Variants in ZDHHC14 observed in about 807,000 individuals in gnomAD.
ZDHHC14 encodes zDHHC palmitoyltransferase 14.
Under a neutral mutation model 47.7 loss-of-function variants are expected in ZDHHC14, and 16 were observed. The observed-to-expected ratio is 0.34, with a 90% CI of 0.23 to 0.51. The LOEUF (loss-of-function observed/expected upper bound fraction) is 0.51, where lower values mean the gene tolerates loss of function less well. ZDHHC14 is among the 20% of genes least tolerant of loss of function. ZDHHC14 has a pLI of 0.97. For synonymous variants in ZDHHC14, 293 were observed against 278.9 expected (o/e 1.05, Z -0.50); for missense variants, 515 against 662.5 (o/e 0.78, Z 2.44).
intron 1 of ZDHHC14, among the ~76,000 whole-genome samples, chr6:157,482,543 C>G (rs1202049667): frequency 1.3e-5 from 2 of 151,940 alleles, no homozygotes; most frequent in Non-Finnish European, 2.9e-5. Flanking sequence ...CATGAGCCAC[C>G]ACGCCTGGCT....
At chr6:157,624,275 G>A (rs1455989728) in intron 3 of ZDHHC14, among the ~76,000 whole-genome samples, 1 of 152,230 alleles carries the variant, frequency 6.6e-6, no homozygotes, top group African/African-American at 2.4e-5. Context: ...CGCATTCAGA[G>A]CTGGAGGCAG....
chr6:157,543,394 G>A (rs1390812873), intron 2 of ZDHHC14, among the ~76,000 whole-genome samples: 2 of 151,552 alleles, frequency 1.3e-5, no homozygotes, highest in Non-Finnish European at 2.9e-5. Flanking sequence ...GCTCTTAAAA[G>A]TTTGTGATTG....
chr6:157,622,829 G>A (rs534619637), intron 3 of ZDHHC14, among the ~76,000 whole-genome samples: 4 of 151,992 alleles, frequency 2.6e-5, no homozygotes, highest in Admixed American at 6.6e-5. Flanking sequence ...AGTAGTGATC[G>A]CTCATAAACC....
intron 2 of ZDHHC14, among the ~76,000 whole-genome samples, chr6:157,567,446 T>C (rs938607141): frequency 6.6e-6 from 1 of 152,182 alleles, no homozygotes; most frequent in Non-Finnish European, 1.5e-5. Flanking sequence ...TTGGTTCATC[T>C]GGGCATGCTC....
chr6:157,614,773 T>A (rs1464440139), intron 3 of ZDHHC14, among the ~76,000 whole-genome samples: 1 of 142,382 alleles, frequency 7.0e-6, no homozygotes, highest in East Asian at 1.9e-4. Flanking sequence ...TCATGTTTTT[T>A]TTTTGTTTTT....
chr6:157,391,851 C>T (rs776275948), intron 1 of ZDHHC14, among the ~76,000 whole-genome samples: 39 of 152,130 alleles, frequency 2.6e-4, no homozygotes, highest in Non-Finnish European at 4.4e-4. Flanking sequence ...CAACTTTCAA[C>T]TTGTGATTGT....
At chr6:157,540,686 G>C (rs150248905) in intron 1 of ZDHHC14, among the ~76,000 whole-genome samples, 5 of 152,024 alleles carry the variant, frequency 3.3e-5, no homozygotes, top group Non-Finnish European at 7.3e-5. Flanking sequence ...GGGGAAAAAC[G>C]TGGGCTTGTT....
chr6:157,644,999 C>G (rs1358344218), intron 5 of ZDHHC14, among the ~76,000 whole-genome samples: 1 of 152,312 alleles, frequency 6.6e-6, no homozygotes, highest in East Asian at 1.9e-4. Flanking sequence ...GACTTCCTCT[C>G]TCTCTATGTC....
At chr6:157,558,832 A>T (rs755639303) in intron 2 of ZDHHC14, among the ~76,000 whole-genome samples, 5 of 152,102 alleles carry the variant, frequency 3.3e-5, no homozygotes, top group East Asian at 1.9e-4. Flanking sequence ...AGTAATGTAG[A>T]TCAGAGATTC....
At chr6:157,395,171 A>ATT (rs1016063345) in intron 1 of ZDHHC14, among the ~76,000 whole-genome samples, 2 of 150,108 alleles carry the variant, frequency 1.3e-5, no homozygotes, top group African/African-American at 4.9e-5. Context: ...ATTTTTATTT[A>ATT]TTTTTTTAAG....
At chr6:157,585,156 G>A (rs1051080940) in intron 2 of ZDHHC14, among the ~76,000 whole-genome samples, 8 of 151,994 alleles carry the variant, frequency 5.3e-5, no homozygotes, top group African/African-American at 1.5e-4. Context: ...GCAGTGAGCC[G>A]AGATCGCGCC....
intron 1 of ZDHHC14, among the ~76,000 whole-genome samples, chr6:157,500,705 G>A (rs1780173889): frequency 6.6e-6 from 1 of 152,216 alleles, no homozygotes; most frequent in Admixed American, 6.5e-5. Context: ...CACTGCCCAA[G>A]AACAGACATG....
chr6:157,484,303 A>G (rs1181489797), intron 1 of ZDHHC14, among the ~76,000 whole-genome samples: 16 of 117,962 alleles, frequency 1.4e-4, no homozygotes, highest in Middle Eastern at 4.5e-3. Flanking sequence ...GTATATATAT[A>G]TACATATATA....
intron 2 of ZDHHC14, among the ~76,000 whole-genome samples, chr6:157,571,068 T>C (rs1023935463): frequency 1.3e-4 from 20 of 152,238 alleles, no homozygotes; most frequent in African/African-American, 4.6e-4. Flanking sequence ...GTTTCCATTT[T>C]CTGGAACTTA....
chr6:157,615,206 G>GCTTACTTA, intron 3 of ZDHHC14, among the ~76,000 whole-genome samples: 1 of 152,352 alleles, frequency 6.6e-6, no homozygotes, highest in African/African-American at 2.4e-5. Context: ...TTAAGGACCT[G>GCTTACTTA]CTGACTGGAC....
chr6:157,668,260 A>G (rs1424978555), intron 8 of ZDHHC14, among the ~76,000 whole-genome samples: 1 of 152,254 alleles, frequency 6.6e-6, no homozygotes, highest in Non-Finnish European at 1.5e-5. Flanking sequence ...CTAGACTTAG[A>G]TAGACAGTCA....
intron 1 of ZDHHC14, among the ~76,000 whole-genome samples, chr6:157,473,533 C>T (rs959078098): frequency 1.3e-5 from 2 of 152,118 alleles, no homozygotes; most frequent in African/African-American, 4.8e-5. Context: ...TTGACTATCT[C>T]TTATCCAAAA....
chr6:157,450,050 TATATC>T (rs1442571069), intron 1 of ZDHHC14, among the ~76,000 whole-genome samples: 5 of 151,896 alleles, frequency 3.3e-5, no homozygotes, highest in Non-Finnish European at 7.4e-5. Context: ...CAGTGTCCGC[TATATC>T]ATAAGAGATT....
chr6:157,582,137 T>A lies in ZDHHC14; in HGVS notation c.407-10851T>A, dbSNP rs1783542000. On this transcript the variant is annotated intron_variant, in intron 2 of 8. Transcript: ENST00000359775. The surrounding 1 kb of genome is among the most constrained non-coding windows in gnomAD (Gnocchi z 4.3). The stretch of plus-strand genomic sequence containing the variant: ...GTCTCAAACTCCTGGCCTCAAGTGA[T>A]CTGCCCACCTGGGCCTCCCAAAGTG... Among the ~76,000 whole-genome samples, 1 of 152,240 alleles carries A rather than the reference T, an allele frequency of 6.6e-6. No homozygotes were observed. The highest frequency in any genetic ancestry group is 2.4e-5 in the African/African-American group (1 of 41,460).
Sources: allele counts gnomAD v4.1 joint callset (sites outside exome capture counted in the v4.1 genomes callset), GRCh38; gene constraint gnomAD v4.1.1; non-coding constraint Gnocchi (gnomAD v3.1); transcripts MANE v1.5; gene names NCBI Gene and HGNC (gene_info 2026-07-23, HGNC 2026-07-21).